DAAM1: variants seen among roughly 807,000 people sequenced by gnomAD.
DAAM1 encodes dishevelled associated activator of morphogenesis 1, also known as disheveled-associated activator of morphogenesis 1.
In DAAM1, 52 loss-of-function variants were observed where a neutral mutation model predicts 130.0. The observed-to-expected ratio is 0.40, with a 90% CI of 0.32 to 0.50. DAAM1 has a LOEUF of 0.50. DAAM1 is among the 20% of genes least tolerant of loss of function. DAAM1 has a pLI of 0.61. For synonymous variants in DAAM1, 452 were observed against 444.5 expected, an observed-to-expected ratio of 1.02 and a Z score of -0.21; for missense variants, 1,134 against 1,303.8, an observed-to-expected ratio of 0.87 and a Z score of 2.01.
At chr14:59,229,024 TG>T (rs1889024990) in intron 1 of DAAM1, among the ~76,000 whole-genome samples, 1 of 152,216 alleles carries the variant, frequency 6.6e-6, no homozygotes, top group Admixed American at 6.5e-5. Flanking sequence ...AATGAGGATT[TG>T]GTTATGAATA....
intron 1 of DAAM1, among the ~76,000 whole-genome samples, chr14:59,195,453 A>T (rs1887860668): frequency 6.6e-6 from 1 of 152,094 alleles, no homozygotes; most frequent in Non-Finnish European, 1.5e-5. Flanking sequence ...TCATCTTGTT[A>T]TACTTTTTAA....
At chr14:59,366,068 T>C (rs78493391) in intron 23 of DAAM1, among the ~76,000 whole-genome samples, 3,822 of 150,994 alleles carry the variant, frequency 0.025, 83 homozygotes, top group Non-Finnish European at 0.041. Flanking sequence ...AAAAATTTCT[T>C]GGTATTTTGC....
At chr14:59,323,978 G>A in intron 6 of DAAM1, 150 bp from the exon 7 acceptor site, 1 of 417,910 alleles carries the variant, frequency 2.4e-6, no homozygotes, top group Non-Finnish European at 4.0e-6. Context: ...GTTGCCGTGA[G>A]CTGAGATCAT....
chr14:59,244,830 G>A (rs1164573130), intron 1 of DAAM1, among the ~76,000 whole-genome samples: 2 of 152,142 alleles, frequency 1.3e-5, no homozygotes, highest in Non-Finnish European at 2.9e-5. Flanking sequence ...TCCACAAAGG[G>A]ACTGGCTTTT....
chr14:59,255,842 A>G (rs1169061551), intron 1 of DAAM1, among the ~76,000 whole-genome samples: 1 of 152,222 alleles, frequency 6.6e-6, no homozygotes, highest in Non-Finnish European at 1.5e-5. Context: ...AATGCTGTCT[A>G]TCTTGATTCA....
intron 10 of DAAM1, 29 bp from the exon 11 acceptor site, chr14:59,326,481 T>C (rs1885208641): frequency 1.3e-6 from 2 of 1,554,204 alleles, no homozygotes; most frequent in East Asian, 2.3e-5. Context: ...AACTTGAAGA[T>C]TTTTTTTCAC....
chr14:59,195,421 G>C (rs962705561), intron 1 of DAAM1, among the ~76,000 whole-genome samples: 1 of 152,108 alleles, frequency 6.6e-6, no homozygotes, highest in Non-Finnish European at 1.5e-5. Context: ...GGGATTACAG[G>C]CGTGAGCCAC....
chr14:59,221,614 G>A (rs1035803916), intron 1 of DAAM1, among the ~76,000 whole-genome samples: 5 of 152,198 alleles, frequency 3.3e-5, no homozygotes, highest in Admixed American at 1.3e-4. Context: ...AATACTAAGA[G>A]AAGCTCTAAA....
intron 1 of DAAM1, among the ~76,000 whole-genome samples, chr14:59,223,662 A>G (rs955280455): frequency 2.0e-4 from 30 of 152,218 alleles, no homozygotes; most frequent in African/African-American, 7.2e-4. Context: ...TGGGTCACTC[A>G]GTAAGTGGGC....
intron 1 of DAAM1, among the ~76,000 whole-genome samples, chr14:59,255,258 G>A (rs909139250): frequency 7.2e-5 from 11 of 152,172 alleles, no homozygotes; most frequent in Non-Finnish European, 1.5e-4. Flanking sequence ...GGGCAGGGCT[G>A]TCCCTCCACT....
intron 5 of DAAM1, 23 bp downstream of exon 5, chr14:59,320,607 G>GTTTT: frequency 8.0e-7 from 1 of 1,248,458 alleles, no homozygotes; most frequent in Non-Finnish European, 1.1e-6. Context: ...TGGATGGCAT[G>GTTTT]TTTTTTTTTT....
chr14:59,262,311 A>AT (rs749954617), intron 1 of DAAM1, among the ~76,000 whole-genome samples: 11 of 152,220 alleles, frequency 7.2e-5, no homozygotes, highest in Non-Finnish European at 1.5e-4. Flanking sequence ...GCATCATGCT[A>AT]TGCCTATTGT....
chr14:59,289,116 C>T (rs534292490), intron 2 of DAAM1, among the ~76,000 whole-genome samples: 65 of 152,122 alleles, frequency 4.3e-4, no homozygotes, highest in African/African-American at 1.0e-3. Flanking sequence ...AGGGTTTCAC[C>T]ATGTTGTCCA....
intron 1 of DAAM1, among the ~76,000 whole-genome samples, chr14:59,207,797 A>G (rs1888308712): frequency 6.6e-6 from 1 of 152,168 alleles, no homozygotes; most frequent in South Asian, 2.1e-4. Flanking sequence ...TAGACCACAA[A>G]TCACACTCCA....
chr14:59,206,437 G>A (rs1031645457), intron 1 of DAAM1, among the ~76,000 whole-genome samples: 4 of 151,938 alleles, frequency 2.6e-5, no homozygotes, highest in South Asian at 2.1e-4. Flanking sequence ...CACCATGCCC[G>A]GCTAATTTTT....
chr14:59,242,686 G>A (rs1211599434), intron 1 of DAAM1, among the ~76,000 whole-genome samples: 2 of 152,058 alleles, frequency 1.3e-5, no homozygotes, highest in African/African-American at 4.8e-5. Context: ...AGCCTCCTGA[G>A]TAGCTGGGAC....
intron 1 of DAAM1, 42 bp from the exon 2 acceptor site, chr14:59,263,399 C>G: frequency 6.5e-7 from 1 of 1,546,566 alleles, no homozygotes; most frequent in Non-Finnish European, 8.9e-7. Context: ...ATCATTTTAT[C>G]TGTTCCTGTA....
intron 16 of DAAM1, among the ~76,000 whole-genome samples, chr14:59,342,436 T>C (rs146548971): frequency 2.0e-5 from 3 of 152,360 alleles, no homozygotes; most frequent in African/African-American, 7.2e-5. Context: ...GATTTAATTA[T>C]AATTTGTATT....
chr14:59,229,556 T>C (rs932058409), intron 1 of DAAM1, among the ~76,000 whole-genome samples: 9 of 152,242 alleles, frequency 5.9e-5, no homozygotes, highest in African/African-American at 2.2e-4. Flanking sequence ...ACTGACTTAC[T>C]ATCTGTCCTG....
Sources: gnomAD v4.1 joint callset for allele counts (sites outside exome capture counted in the v4.1 genomes callset) on GRCh38, gnomAD v4.1.1 for gene constraint, MANE v1.5 for transcripts, NCBI Gene and HGNC (gene_info 2026-07-23, HGNC 2026-07-21) for gene names.